The following NECAB2 variants were observed in gnomAD, a reference collection of about 807,000 sequenced individuals.
NECAB2 encodes the protein N-terminal EF-hand calcium-binding protein 2.
Under a neutral mutation model 51.9 loss-of-function variants are expected in NECAB2, and 68 were observed. The ratio of observed to expected loss-of-function variants is 1.31; its 90% CI spans 1.08 to 1.60. The LOEUF is 1.60. Among genes scored for constraint, NECAB2 ranks in the 40% most tolerant of loss-of-function variants. The pLI is 0.00. For synonymous variants in NECAB2, 329 were observed against 203.5 expected, an observed-to-expected ratio of 1.62 and a Z score of -5.25; for missense variants, 854 against 490.3, an observed-to-expected ratio of 1.74 and a Z score of -7.00.
In NECAB2 at chr16:83,981,100, C is replaced by T. The variant is rs772791116; in HGVS notation, c.432C>T (p.Val144=). 2 of 1,614,150 alleles carry T rather than the reference C, an allele frequency of 1.2e-6. No individual in the cohort carries two copies. The highest frequency in any genetic ancestry group is 2.2e-5 in the East Asian group (1 of 44,880). The part of the protein sequence containing the change: ...LASLETLNHS[V]LKAMGYTKKV... ...CCCTGGAGACCTTGAATCACTCTGT[C>T]CTGAAGGCCATGGGTTATACCAAGA... The change falls in exon 5 of 13, where the codon GTC becomes GTT. Residue 144 remains valine (V), a synonymous_variant. Transcript: ENST00000305202.
chr16:83,997,230 C>T lies in NECAB2; in HGVS notation c.810C>T (p.Asp270=), dbSNP rs1315867498. ...GRLESKALWF[D]LQQRLSDEDG... ...GATTGTTTCAGGCACTGTGGTTCGACCTGCAGCAGCGCCTGTCAGATGAAG... is the reference window on the plus strand; with the variant it reads ...GATTGTTTCAGGCACTGTGGTTCGATCTGCAGCAGCGCCTGTCAGATGAAG... Residue 270 remains aspartate, a synonymous_variant, in exon 9 of 13, where the codon GAC becomes GAT. Coordinates refer to ENST00000305202, the MANE Select transcript of NECAB2 (RefSeq NM_019065.3). The T allele has an allele frequency of 1.2e-6, 2 of 1,614,132 alleles. No homozygotes were observed. The highest frequency in any genetic ancestry group is 2.2e-5 in the East Asian group (1 of 44,864).
intron 10 of NECAB2, among the ~76,000 whole-genome samples, chr16:83,999,291 T>G (rs1459945134): frequency 6.6e-6 from 1 of 152,090 alleles, no homozygotes; most frequent in African/African-American, 2.4e-5. Flanking sequence ...CCCACTCCAC[T>G]CCAGGAGGAC....
At chr16:83,974,133 G>C (rs1415990708) in intron 2 of NECAB2, among the ~76,000 whole-genome samples, 1 of 152,040 alleles carries the variant, frequency 6.6e-6, no homozygotes, top group Non-Finnish European at 1.5e-5. Context: ...CATCTTACCA[G>C]CCACCACTAT....
At chr16:83,978,881 T>G (rs2084449964) in intron 3 of NECAB2, among the ~76,000 whole-genome samples, 1 of 152,026 alleles carries the variant, frequency 6.6e-6, no homozygotes, top group Non-Finnish European at 1.5e-5. Context: ...CAGCAGCCAG[T>G]TCTCACCCCA....
chr16:83,997,274 G>A lies in NECAB2; in HGVS notation c.849+5G>A. 1 of 1,614,084 alleles carries A rather than the reference G, an allele frequency of 6.2e-7. No individual in the cohort carries two copies. The highest frequency in any genetic ancestry group is 1.1e-5 in the South Asian group (1 of 91,078). On this transcript the variant is annotated splice_donor_5th_base_variant and intron_variant, in intron 9 of 12. Transcript: ENST00000305202. ...GATGAAGATGGCACCAACATGGTGA[G>A]GCCCCTTCCCACCTCTCTTCTGGGA...
chr16:84,001,503 C>G (rs1213843287), intron 11 of NECAB2, among the ~76,000 whole-genome samples: 4 of 152,234 alleles, frequency 2.6e-5, no homozygotes, highest in East Asian at 1.9e-4. Context: ...GCCTTCGCAG[C>G]TTCTGTGTTG....
intron 2 of NECAB2, among the ~76,000 whole-genome samples, chr16:83,974,221 G>C (rs2084380050): frequency 6.6e-6 from 1 of 152,150 alleles, no homozygotes; most frequent in Non-Finnish European, 1.5e-5. Flanking sequence ...AGGTCCCCCA[G>C]CCTGACTGCC....
At chr16:83,991,236 G>A (rs996998888) in intron 6 of NECAB2, among the ~76,000 whole-genome samples, 56 of 152,006 alleles carry the variant, frequency 3.7e-4, no homozygotes, top group African/African-American at 1.3e-3. Context: ...ACCTGCCTTA[G>A]CCTCCCAAAG....
intron 1 of NECAB2, among the ~76,000 whole-genome samples, chr16:83,970,005 A>C (rs1433242027): frequency 6.6e-6 from 1 of 152,062 alleles, no homozygotes; most frequent in Non-Finnish European, 1.5e-5. Context: ...ACACTCACGC[A>C]CTCGCTTACG....
At chr16:83,999,268 TG>T (rs34656797) in intron 10 of NECAB2, among the ~76,000 whole-genome samples, 17,008 of 151,896 alleles carry the variant, frequency 0.11, 1,344 homozygotes, top group African/African-American at 0.24. Context: ...GTAGCCAGGA[TG>T]GGGGGGCAGG....
At chr16:83,978,997 C>G (rs1202904795) in intron 3 of NECAB2, among the ~76,000 whole-genome samples, 2 of 152,306 alleles carry the variant, frequency 1.3e-5, no homozygotes, top group African/African-American at 2.4e-5. Context: ...TAACTCAACA[C>G]TACGTCTATC....
At chr16:83,991,066 C>G (rs531800279) in intron 6 of NECAB2, among the ~76,000 whole-genome samples, 27 of 152,292 alleles carry the variant, frequency 1.8e-4, no homozygotes, top group African/African-American at 6.0e-4. Context: ...ACTACAACCT[C>G]TCCCTCCCTG....
intron 5 of NECAB2, among the ~76,000 whole-genome samples, chr16:83,983,462 A>T (rs894657520): frequency 6.6e-6 from 1 of 152,086 alleles, no homozygotes; most frequent in African/African-American, 2.4e-5. Flanking sequence ...TATTAATACC[A>T]GCTCTTATTT....
upstream of NECAB2, chr16:83,966,328 C>G (rs2084280179): frequency 2.5e-6 from 1 of 407,524 alleles, no homozygotes; most frequent in African/African-American, 2.0e-5. Flanking sequence ...CCAGTGCCCA[C>G]CTGCTCTCAT....
rs1348662253 is a variant in NECAB2, at chr16:83,989,097, C to G, written c.460-1397C>G. ...CACTTCAGCCCATTTTTCTGCTGATCACTTCTAGCAGCCTTTTGCTTTGTG... is the reference window on the plus strand; with the variant it reads ...CACTTCAGCCCATTTTTCTGCTGATGACTTCTAGCAGCCTTTTGCTTTGTG... On this transcript the variant is annotated intron_variant, in intron 5 of 12. Coordinates refer to ENST00000305202, the MANE Select transcript of NECAB2 (RefSeq NM_019065.3). Among the ~76,000 whole-genome samples, 5 of 152,340 alleles carry G rather than the reference C, an allele frequency of 3.3e-5. No individual in the cohort carries two copies. The Middle Eastern group carries it at 0.01, about 311-fold the overall frequency.
At chr16:84,002,001 G>C (rs555680126) in intron 12 of NECAB2, 85 bp downstream of exon 12, 2 of 1,444,042 alleles carry the variant, frequency 1.4e-6, no homozygotes, top group South Asian at 2.4e-5. Flanking sequence ...ATCTCCCGGG[G>C]ACTTGCCTGC....
chr16:83,998,100 G>A (rs1224335195), intron 9 of NECAB2, 105 bp from the exon 10 acceptor site: 3 of 973,458 alleles, frequency 3.1e-6, no homozygotes, highest in South Asian at 1.5e-5. Flanking sequence ...GTGGGGGAGG[G>A]TTATTTTATT....
rs182497178 is a variant in NECAB2, at chr16:83,980,815, C to T, written c.336-24C>T. 1.5e-3 allele frequency: 2,324 copies of T among 1,565,540 alleles called. 3 individuals carry two copies. Among genetic ancestry groups the T allele is most frequent in the Admixed American group, 1.8e-3 (93 of 51,962 alleles). On this transcript the variant is annotated intron_variant, in intron 3 of 12. Transcript: ENST00000305202. ...TAACCCCCTCTCTGTCTCTGTCTGT[C>T]TCTGCCTCTGTCTGTCTCTGCAGCC...
chr16:83,970,012 T>TACGC (rs890621247), intron 1 of NECAB2, among the ~76,000 whole-genome samples: 1 of 152,132 alleles, frequency 6.6e-6, no homozygotes, highest in Non-Finnish European at 1.5e-5. Context: ...CGCACTCGCT[T>TACGC]ACGCACGCAC....
Sources: allele counts gnomAD v4.1 joint callset (sites outside exome capture counted in the v4.1 genomes callset), GRCh38; gene constraint gnomAD v4.1.1; transcripts MANE v1.5; gene names NCBI Gene and HGNC (gene_info 2026-07-23, HGNC 2026-07-21).